CCDC178: variants seen among roughly 807,000 people sequenced by gnomAD.
CCDC178 encodes the protein coiled-coil domain containing 178.
CCDC178 carries 126 observed loss-of-function variants against 117.4 expected under a neutral mutation model. The observed-to-expected ratio is 1.07, with a 90% CI of 0.93 to 1.24. CCDC178 has a LOEUF of 1.24. Among genes scored for constraint, CCDC178 ranks in the 50% most tolerant of loss-of-function variants. The probability of loss-of-function intolerance (pLI) is 0.00; values close to 1 mark genes in which losing one functional copy is unlikely to be tolerated. For synonymous variants in CCDC178, 283 were observed against 313.4 expected (o/e 0.90, Z 1.02); for missense variants, 1,030 against 986.9 (o/e 1.04, Z -0.59).
At chr18:32,977,398 T>C (rs774994516) in intron 21 of CCDC178, among the ~76,000 whole-genome samples, 56 of 152,274 alleles carry the variant, frequency 3.7e-4, no homozygotes, top group Admixed American at 1.7e-3. Context: ...TAGGCTGTGA[T>C]GCAAAATGAA....
intron 11 of CCDC178, among the ~76,000 whole-genome samples, chr18:33,311,202 C>A (rs2144952926): frequency 6.6e-6 from 1 of 152,306 alleles, no homozygotes; most frequent in East Asian, 1.9e-4. Flanking sequence ...CAACAAAAAA[C>A]TGTTCTCTAA....
At chr18:33,299,876 C>T (rs1402580411) in intron 11 of CCDC178, among the ~76,000 whole-genome samples, 1 of 151,556 alleles carries the variant, frequency 6.6e-6, no homozygotes, top group Non-Finnish European at 1.5e-5. Flanking sequence ...TAGGGAAATG[C>T]AAACAACAAT....
At chr18:33,000,824 G>C (rs1293601474) in intron 21 of CCDC178, among the ~76,000 whole-genome samples, 9 of 152,172 alleles carry the variant, frequency 5.9e-5, no homozygotes, top group Non-Finnish European at 8.8e-5. Flanking sequence ...TGCTAAGGAA[G>C]TACTTCAATC....
At chr18:33,436,798 C>G (rs1312395542) in intron 2 of CCDC178, among the ~76,000 whole-genome samples, 1 of 151,544 alleles carries the variant, frequency 6.6e-6, no homozygotes, top group Non-Finnish European at 1.5e-5. Flanking sequence ...ATATGAAAAG[C>G]TTATTATAAG....
intron 2 of CCDC178, among the ~76,000 whole-genome samples, chr18:33,412,792 A>T (rs1254863201): frequency 1.3e-5 from 2 of 152,180 alleles, no homozygotes; most frequent in African/African-American, 4.8e-5. Context: ...CATTTGTCTC[A>T]CATTTTCTGT....
At chr18:33,379,390 C>T (rs1212654195) in intron 5 of CCDC178, among the ~76,000 whole-genome samples, 2 of 151,900 alleles carry the variant, frequency 1.3e-5, no homozygotes, top group East Asian at 3.9e-4. Context: ...TGCGTGGCAG[C>T]CAGCTGTGGC....
At chr18:33,317,839 G>T (rs931299423) in intron 11 of CCDC178, among the ~76,000 whole-genome samples, 3 of 151,986 alleles carry the variant, frequency 2.0e-5, no homozygotes, top group Non-Finnish European at 4.4e-5. Context: ...TAAAAAAAAA[G>T]TTTCCTTTGT....
intron 20 of CCDC178, among the ~76,000 whole-genome samples, chr18:33,194,442 C>T (rs1266569889): frequency 6.6e-6 from 1 of 152,094 alleles, no homozygotes; most frequent in Non-Finnish European, 1.5e-5. Context: ...TCCCTCTGCA[C>T]AATCTCTTGG....
At chr18:33,342,259 G>T (rs1386914783) in intron 9 of CCDC178, among the ~76,000 whole-genome samples, 8 of 151,876 alleles carry the variant, frequency 5.3e-5, no homozygotes, top group Non-Finnish European at 1.5e-5. Flanking sequence ...AGGCTTATTG[G>T]AATTCTACAG....
rs1027397065 is a variant in CCDC178 at position 33,440,642 on chromosome 18, C to A, written c.-143+11G>T. The A allele has an allele frequency of 7.0e-4, 107 of 152,334 alleles. No homozygotes were observed. The highest frequency in any genetic ancestry group is 2.6e-3 in the African/African-American group (106 of 41,512). The allele number at this position is 152,334 out of a possible 1,614,324, so 9.4% of individuals were successfully genotyped here. A position where few individuals can be genotyped will look rare whatever the true frequency, so the allele number is the denominator to read the frequency against. Reference sequence around the variant, plus strand: ...AGCGCCCGCGCCGAGGCACAAGCGCCCCCGACTCACCGGCTCCGCGCGTTT... The same window carrying A: ...AGCGCCCGCGCCGAGGCACAAGCGCACCCGACTCACCGGCTCCGCGCGTTT... On this transcript the variant is annotated intron_variant, in intron 1 of 22. Transcript: ENST00000383096.
intron 22 of CCDC178, among the ~76,000 whole-genome samples, chr18:32,942,759 C>A (rs1330913053): frequency 1.3e-5 from 2 of 152,080 alleles, no homozygotes; most frequent in East Asian, 3.9e-4. Flanking sequence ...AGCAATGCTG[C>A]TATTAATGCT....
chr18:33,200,930 G>A (rs531567030), intron 20 of CCDC178, among the ~76,000 whole-genome samples: 12 of 152,212 alleles, frequency 7.9e-5, no homozygotes, highest in African/African-American at 2.4e-4. Flanking sequence ...CAAATACATC[G>A]ATGAATGAAT....
intron 11 of CCDC178, among the ~76,000 whole-genome samples, chr18:33,299,761 A>G (rs577357116): frequency 7.9e-4 from 108 of 136,384 alleles, no homozygotes; most frequent in Middle Eastern, 3.6e-3. Context: ...AAGGATTTCA[A>G]ACATCTCAAC....
chr18:33,274,621 A>G (rs982181835), intron 12 of CCDC178, among the ~76,000 whole-genome samples: 1 of 152,004 alleles, frequency 6.6e-6, no homozygotes, highest in African/African-American at 2.4e-5. Context: ...ACCCTTGAAA[A>G]CCAGGGTCTA....
intron 2 of CCDC178, among the ~76,000 whole-genome samples, chr18:33,434,683 T>C (rs2090302720): frequency 2.0e-5 from 3 of 152,016 alleles, no homozygotes; most frequent in Admixed American, 2.0e-4. Flanking sequence ...GGAAAGGAGA[T>C]AATGAAAACT....
chr18:33,326,657 C>T (rs2062588518), intron 10 of CCDC178, among the ~76,000 whole-genome samples: 1 of 151,846 alleles, frequency 6.6e-6, no homozygotes. Flanking sequence ...CACTCTGTAT[C>T]TTGTTGTTTT....
At position 32,997,832 on chromosome 18, in the gene CCDC178, A is replaced by T. The variant is rs72941583; in HGVS notation, c.2389-23151T>A. On this transcript the variant is annotated intron_variant, in intron 21 of 22. Transcript: ENST00000383096. ...AATATAGTTGTCTTGTTTCATTAGC[A>T]ATAATTCATTTTGATATGAGAAAAA... Among the ~76,000 whole-genome samples, 539 of 152,286 alleles carry T rather than the reference A, an allele frequency of 3.5e-3. 1 individual carries two copies. The highest frequency in any genetic ancestry group is 6.0e-3 in the Non-Finnish European group (411 of 68,020).
At chr18:33,042,827 C>T (rs1300471893) in intron 21 of CCDC178, among the ~76,000 whole-genome samples, 1 of 151,736 alleles carries the variant, frequency 6.6e-6, no homozygotes, top group African/African-American at 2.4e-5. Context: ...CTTTTCTATA[C>T]ATTTGAGTAT....
chr18:33,252,225 T>G (rs1226152395), intron 14 of CCDC178, among the ~76,000 whole-genome samples: 4 of 151,636 alleles, frequency 2.6e-5, no homozygotes, highest in African/African-American at 9.7e-5. Context: ...GAAAAGATTG[T>G]TGAAAATGAG....
Sources: gnomAD v4.1 joint callset for allele counts (sites outside exome capture counted in the v4.1 genomes callset) on GRCh38, gnomAD v4.1.1 for gene constraint, MANE v1.5 for transcripts, NCBI Gene and HGNC (gene_info 2026-07-23, HGNC 2026-07-21) for gene names.